Variants in C8orf88 observed in about 807,000 individuals in gnomAD.
C8orf88 encodes uncharacterized protein C8orf88.
C8orf88 carries 14 observed loss-of-function variants against 18.4 expected under a neutral mutation model. The observed-to-expected ratio is 0.76, with a 90% CI of 0.50 to 1.19. The LOEUF (loss-of-function observed/expected upper bound fraction) is 1.19. C8orf88 is among the 50% of genes most tolerant of loss of function. The pLI is 0.00. For synonymous variants in C8orf88, 45 were observed against 42.9 expected (o/e 1.05, Z -0.19); for missense variants, 116 against 134.7 (o/e 0.86, Z 0.69).
intron 3 of C8orf88, among the ~76,000 whole-genome samples, chr8:90,973,282 T>A (rs1480483126): frequency 1.3e-5 from 2 of 152,074 alleles, no homozygotes; most frequent in Non-Finnish European, 2.9e-5. Context: ...CCTGGCAAAC[T>A]GATGAAAAAT....
chr8:90,978,976 T>A (rs1281736629), intron 2 of C8orf88, among the ~76,000 whole-genome samples: 30 of 152,118 alleles, frequency 2.0e-4, no homozygotes, highest in Non-Finnish European at 1.5e-5. Context: ...ACGGAATAGG[T>A]TTGGGGTATC....
Position 90,968,265 on chromosome 8 carries a change from C to T in C8orf88, c.223+2801G>A, listed in dbSNP as rs145746039. 3.1e-3 allele frequency among the ~76,000 whole-genome samples: 474 copies of T among 151,710 alleles called. 5 individuals carry two copies. The highest frequency in any genetic ancestry group is 0.011 in the African/African-American group (458 of 41,440). On this transcript the variant is annotated intron_variant, in intron 4 of 5. Transcript: ENST00000517562. ...AGAATTAAGAGTCCAGGAATAAACA[C>T]ATTAAACACATACACCTATAGTCAA...
Position 90,971,113 on chromosome 8 carries a change from G to A in C8orf88, c.176C>T (p.Ser59Phe). 2 of 1,521,350 alleles carry A rather than the reference G, an allele frequency of 1.3e-6. No homozygotes were observed. The highest frequency in any genetic ancestry group is 1.2e-5 in the South Asian group (1 of 81,420). The allele number at this position is 1,521,350 out of a possible 1,614,324, so 94.2% of individuals were successfully genotyped here. Reference protein sequence around the residue: ...RCKTNGMQAFSQGLNEQQQQQ... With the variant: ...RCKTNGMQAFFQGLNEQQQQQ... ...TTGCTGTTGCTCATTAAGACCTTGA[G>A]AAAAGGCTTGCATTCCATTCGTCTT... The change falls in exon 4 of 6, where the codon TCT becomes TTT. Residue 59 changes from serine to phenylalanine, a missense_variant. Physicochemically the swap from Ser to Phe is radical, Grantham distance 155 (BLOSUM62 -2). Coordinates refer to ENST00000517562, the MANE Select transcript of C8orf88 (RefSeq NM_001190972.2).
chr8:90,984,869 G>C (rs1455865776), intron 1 of C8orf88, among the ~76,000 whole-genome samples: 1 of 152,026 alleles, frequency 6.6e-6, no homozygotes, highest in Non-Finnish European at 1.5e-5. Context: ...CCCCTCCGTC[G>C]GGCTCCCCTG....
In C8orf88 at chr8:90,984,884, C is replaced by G. The variant is rs1586168447; in HGVS notation, c.-27+230G>C. Among the ~76,000 whole-genome samples the G allele has an allele frequency of 2.6e-5, 4 of 152,264 alleles. No homozygotes were observed. In the South Asian group the frequency reaches 6.2e-4, roughly 24 times the overall value. The stretch of plus-strand genomic sequence containing the variant: ...CCCCTCCGTCGGGCTCCCCTGGCCC[C>G]CTACACTTTCTTTCCCCTCATCCGA... On this transcript the variant is annotated intron_variant, in intron 1 of 5. Transcript: ENST00000517562.
At position 90,968,647 on chromosome 8, in the gene C8orf88, GAA is replaced by G. The variant is rs987134477; in HGVS notation, c.223+2417_223+2418del. Among the ~76,000 whole-genome samples, 2 of 39,374 alleles carry G rather than the reference GAA, an allele frequency of 5.1e-5. 1 individual carries two copies. Among genetic ancestry groups the G allele is most frequent in the Admixed American group, 3.9e-4 (2 of 5,070 alleles). 25.8% of individuals were successfully genotyped at this position (39,374 alleles called of 152,430 possible). On this transcript the variant is annotated intron_variant, in intron 4 of 5. Coordinates refer to ENST00000517562, the MANE Select transcript of C8orf88 (RefSeq NM_001190972.2). ...AATAACACAATCTCCAGTAGAGAAT[GAA>G]AAGACAACATATATATATATATATA...
chr8:90,959,274 C>A, intron 5 of C8orf88: 1 of 239,736 alleles, frequency 4.2e-6, no homozygotes, highest in Non-Finnish European at 7.9e-6. Context: ...TTCTGTGGCA[C>A]CTAGGTTTAA....
chr8:90,967,448 G>A (rs1396733749), intron 4 of C8orf88, among the ~76,000 whole-genome samples: 2 of 151,756 alleles, frequency 1.3e-5, no homozygotes, highest in African/African-American at 4.8e-5. Context: ...CCCTCTTCAT[G>A]TTTTTGGGAA....
chr8:90,959,030 C>A lies in C8orf88; in HGVS notation c.331G>T (p.Glu111Ter). ...TGCTACTTAAAACTTTGGTTGTTTT[C>A]CTGTAATATAAAAGAAAAAGTTAAT... is the stretch of plus-strand genomic sequence containing the variant. ...PDHPIVLQKP[E>*]NNQSFK The change falls in exon 6 of 6, where the codon GAA becomes TAA. Residue 111 changes from glutamate to a stop codon, truncating the protein, a stop_gained and splice_region_variant. Coordinates refer to ENST00000517562, the MANE Select transcript of C8orf88 (RefSeq NM_001190972.2). LOFTEE classifies it high-confidence loss of function. The A allele has an allele frequency of 7.4e-7, 1 of 1,357,156 alleles. No homozygotes were observed. The highest frequency in any genetic ancestry group is 1.4e-5 in the South Asian group (1 of 72,456). The allele number at this position is 1,357,156 out of a possible 1,614,324, so 84.1% of individuals were successfully genotyped here.
At chr8:90,983,653 T>G (rs896040380) in intron 1 of C8orf88, among the ~76,000 whole-genome samples, 3 of 152,222 alleles carry the variant, frequency 2.0e-5, no homozygotes, top group South Asian at 4.1e-4. Flanking sequence ...ATACTAAATA[T>G]AATTTCATTT....
At chr8:90,963,728 G>A (rs1301618759) in intron 4 of C8orf88, among the ~76,000 whole-genome samples, 1 of 151,492 alleles carries the variant, frequency 6.6e-6, no homozygotes, top group Non-Finnish European at 1.5e-5. Flanking sequence ...GAAAGAATCA[G>A]CAAATTTAAA....
chr8:90,984,588 A>G (rs1172335248), intron 1 of C8orf88, among the ~76,000 whole-genome samples: 3 of 151,822 alleles, frequency 2.0e-5, no homozygotes, highest in East Asian at 3.9e-4. Context: ...TTTTTGGTCT[A>G]TTTGAGGGAT....
At chr8:90,966,466 A>C (rs1010045698) in intron 4 of C8orf88, among the ~76,000 whole-genome samples, 1 of 149,408 alleles carries the variant, frequency 6.7e-6, no homozygotes, top group Non-Finnish European at 1.5e-5. Flanking sequence ...AACTAACCTG[A>C]ACATTGTGCA....
chr8:90,984,177 G>A (rs1811472760), intron 1 of C8orf88, among the ~76,000 whole-genome samples: 1 of 152,074 alleles, frequency 6.6e-6, no homozygotes, highest in Non-Finnish European at 1.5e-5. Context: ...TGATGCTACC[G>A]CTGCCGTTGA....
intron 2 of C8orf88, 82 bp downstream of exon 2, chr8:90,980,281 C>T: frequency 7.3e-6 from 6 of 819,878 alleles, no homozygotes; most frequent in Non-Finnish European, 1.0e-5. Flanking sequence ...TGAAACAATA[C>T]TTTATATATT....
In C8orf88 at chr8:90,958,934, C is replaced by A. The variant is rs1267503371; in HGVS notation, c.*73G>T. Reference sequence around the variant, plus strand: ...TAAGAATAAATTGAATTGTCACAGTCCATTACAGTTATTGTTGCTAGATCC... The same window carrying A: ...TAAGAATAAATTGAATTGTCACAGTACATTACAGTTATTGTTGCTAGATCC... On this transcript the variant is annotated 3_prime_UTR_variant, in exon 6 of 6. Transcript: ENST00000517562. The A allele has an allele frequency of 1.2e-6, 1 of 847,050 alleles. No homozygotes were observed. The highest frequency in any genetic ancestry group is 1.7e-5 in the South Asian group (1 of 59,358). 52.5% of individuals were successfully genotyped at this position (847,050 alleles called of 1,614,324 possible). A position where few individuals can be genotyped will look rare whatever the true frequency, so the allele number is the denominator to read the frequency against.
At chr8:90,977,840 G>A (rs1444411059) in intron 3 of C8orf88, among the ~76,000 whole-genome samples, 2 of 152,030 alleles carry the variant, frequency 1.3e-5, no homozygotes, top group Non-Finnish European at 1.5e-5. Flanking sequence ...CCAGCTACTC[G>A]GGAGGCTGAA....
intron 3 of C8orf88, among the ~76,000 whole-genome samples, chr8:90,975,896 CTG>C (rs1194094968): frequency 2.7e-5 from 4 of 149,780 alleles, no homozygotes; most frequent in Non-Finnish European, 4.4e-5. Flanking sequence ...AATAAACAAA[CTG>C]TTGTATATTT....
intron 3 of C8orf88, among the ~76,000 whole-genome samples, chr8:90,973,573 C>A (rs1811310827): frequency 6.6e-6 from 1 of 152,100 alleles, no homozygotes; most frequent in Non-Finnish European, 1.5e-5. Flanking sequence ...ACCTTGAACT[C>A]CTGAACTCAA....
Sources: gnomAD v4.1 joint callset for allele counts (sites outside exome capture counted in the v4.1 genomes callset) on GRCh38, gnomAD v4.1.1 for gene constraint, MANE v1.5 for transcripts, NCBI Gene and HGNC (gene_info 2026-07-23, HGNC 2026-07-21) for gene names.